The following TTLL9 variants were observed in gnomAD, a reference collection of about 807,000 sequenced individuals.
TTLL9 encodes tubulin tyrosine ligase like 9.
Under a neutral mutation model 65.6 loss-of-function variants are expected in TTLL9, and 47 were observed. The observed-to-expected ratio is 0.72, with a 90% confidence interval of 0.57 to 0.91. The LOEUF is 0.91. Among genes scored for constraint, TTLL9 ranks in the 40% least tolerant of loss-of-function variants. The probability of loss-of-function intolerance (pLI) is 0.00; values close to 1 mark genes in which losing one functional copy is unlikely to be tolerated. For missense variants in TTLL9, 537 were observed against 568.8 expected, an observed-to-expected ratio of 0.94 and a Z score of 0.57; for synonymous variants, 179 against 204.8, an observed-to-expected ratio of 0.87 and a Z score of 1.07.
At chr20:31,940,381 T>G (rs536758452) in intron 14 of TTLL9, 1 of 152,342 alleles carries the variant, frequency 6.6e-6, no homozygotes, top group African/African-American at 2.4e-5. Flanking sequence ...GTTTTCTAAA[T>G]GTATAAGGCT....
At chr20:31,880,852 C>CTT (rs35047352) in intron 2 of TTLL9, among the ~76,000 whole-genome samples, 5,849 of 108,186 alleles carry the variant, frequency 0.054, 532 homozygotes, top group African/African-American at 0.16. Context: ...TCTTTCTTTC[C>CTT]TTTTTTTTTT....
chr20:31,934,628 G>A (rs2064077319), intron 11 of TTLL9, 64 bp from the exon 12 acceptor site: 8 of 1,434,766 alleles, frequency 5.6e-6, no homozygotes, highest in South Asian at 1.3e-5. Flanking sequence ...TTGTGTAAGG[G>A]TCCTAGCAGG....
In TTLL9 at chr20:31,943,315, G is replaced by A. The variant is rs2064252472; in HGVS notation, c.*294G>A. The A allele has an allele frequency of 2.1e-6, 1 of 471,310 alleles. No individual in the cohort carries two copies. The highest frequency in any genetic ancestry group is 2.2e-5 in the South Asian group (1 of 45,990). 29.2% of individuals were successfully genotyped at this position (471,310 alleles called of 1,614,324 possible). ...AAAGAGAACAAATACAGCAAGTTCTGCTACCCCCAGGAGATCATATCTAAT... is the reference window on the plus strand; with the variant it reads ...AAAGAGAACAAATACAGCAAGTTCTACTACCCCCAGGAGATCATATCTAAT... On this transcript the variant is annotated 3_prime_UTR_variant, in exon 15 of 15. Transcript: ENST00000535842.
intron 5 of TTLL9, 95 bp from the exon 6 acceptor site, chr20:31,909,642 T>C (rs2063614892): frequency 2.6e-6 from 3 of 1,160,424 alleles, no homozygotes. Flanking sequence ...GGCCAGAGCA[T>C]GGAGGCTGCA....
At chr20:31,886,771 A>T (rs1300793550) in intron 2 of TTLL9, among the ~76,000 whole-genome samples, 3 of 152,204 alleles carry the variant, frequency 2.0e-5, no homozygotes, top group Admixed American at 6.5e-5. Context: ...GAGAGCTGAG[A>T]TTACACCACT....
At chr20:31,889,970 CTCTCTT>C (rs1457500574) in intron 3 of TTLL9, among the ~76,000 whole-genome samples, 17 of 133,758 alleles carry the variant, frequency 1.3e-4, no homozygotes, top group East Asian at 1.2e-3. Context: ...AGCCACATCT[CTCTCTT>C]TCTTTCTTTC....
intron 6 of TTLL9, among the ~76,000 whole-genome samples, chr20:31,912,603 ATGTGTG>A (rs61107814): frequency 0.13 from 18,806 of 140,960 alleles, 1,280 homozygotes; most frequent in African/African-American, 0.21. Flanking sequence ...GTGTATGTGT[ATGTGTG>A]TGTGTGTGTG....
rs140258569 is a variant in TTLL9 at position 31,910,939 on chromosome 20, C to T, written c.504+1017C>T. On this transcript the variant is annotated intron_variant, in intron 6 of 14. Coordinates refer to ENST00000535842, the MANE Select transcript of TTLL9 (RefSeq NM_001008409.5). ...TTATAATCCTAGCACTTTGAGAGTC[C>T]AAGGCAGGTGGATCACCTGAGGTCA... 1.3e-3 allele frequency among the ~76,000 whole-genome samples: 193 copies of T among 152,168 alleles called. 3 individuals are homozygous for T. In the East Asian group the frequency reaches 0.034, roughly 27 times the overall value.
rs751721044 is a variant in TTLL9 at position 31,899,770 on chromosome 20, GT to G, written c.206+1217del. ...GCTACAAGGGAATCTGGAAAATGTT[GT>G]TTTTTTTTTTTGAGATGGAGTCTTG... On this transcript the variant is annotated intron_variant, in intron 4 of 14. Transcript: ENST00000535842. 6.3e-3 allele frequency among the ~76,000 whole-genome samples: 896 copies of G among 142,562 alleles called. 8 individuals are homozygous for G. Among genetic ancestry groups the G allele is most frequent in the African/African-American group, 0.021 (789 of 37,356 alleles). The allele number at this position is 142,562 out of a possible 152,430, so 93.5% of individuals were successfully genotyped here.
chr20:31,899,833 C>T (rs532561012), intron 4 of TTLL9, among the ~76,000 whole-genome samples: 22 of 151,838 alleles, frequency 1.4e-4, no homozygotes, highest in African/African-American at 3.9e-4. Context: ...GGCACAATCT[C>T]GGCTCACTGC....
At chr20:31,908,726 C>A in intron 5 of TTLL9, 24 bp downstream of exon 5, 1 of 1,567,652 alleles carries the variant, frequency 6.4e-7, no homozygotes, top group Non-Finnish European at 8.8e-7. Flanking sequence ...GCGGGAGGGA[C>A]TGTGCCAACC....
intron 2 of TTLL9, among the ~76,000 whole-genome samples, chr20:31,876,959 T>TTTTATTTACA (rs1321655398): frequency 6.6e-6 from 1 of 152,242 alleles, no homozygotes; most frequent in African/African-American, 2.4e-5. Context: ...ATACGATTAT[T>TTTTATTTACA]TTTATTTACA....
chr20:31,930,370 C>T (rs1026022318), intron 10 of TTLL9, among the ~76,000 whole-genome samples: 5 of 152,046 alleles, frequency 3.3e-5, no homozygotes, highest in Admixed American at 6.6e-5. Flanking sequence ...CAGAATTTTG[C>T]CTTAGAATTA....
At chr20:31,929,186 G>A (rs569281042) in intron 10 of TTLL9, among the ~76,000 whole-genome samples, 153 of 152,286 alleles carry the variant, frequency 1.0e-3, no homozygotes, top group Non-Finnish European at 1.8e-3. Flanking sequence ...GTGAGCCACC[G>A]TGCCCAGCCT....
chr20:31,920,308 G>A (rs939786304), intron 7 of TTLL9, among the ~76,000 whole-genome samples: 4 of 152,020 alleles, frequency 2.6e-5, no homozygotes, highest in Non-Finnish European at 5.9e-5. Flanking sequence ...CTCGATGCAC[G>A]TTCTTTATCT....
At chr20:31,935,729 G>A (rs759638637) in intron 12 of TTLL9, among the ~76,000 whole-genome samples, 9 of 152,248 alleles carry the variant, frequency 5.9e-5, no homozygotes, top group African/African-American at 2.4e-5. Context: ...ACCAGCTACT[G>A]CAGGAAGCAC....
chr20:31,889,996 TTCTTTC>T (rs2063267807), intron 3 of TTLL9, among the ~76,000 whole-genome samples: 1 of 135,964 alleles, frequency 7.4e-6, no homozygotes, highest in African/African-American at 3.1e-5. Flanking sequence ...CTTTCTTTCT[TTCTTTC>T]TTTCTTTCTT....
intron 10 of TTLL9, among the ~76,000 whole-genome samples, chr20:31,932,144 G>C (rs899708345): frequency 6.6e-6 from 1 of 152,158 alleles, no homozygotes; most frequent in Non-Finnish European, 1.5e-5. Flanking sequence ...TTTGAGACCA[G>C]CCTGGGCAAC....
In TTLL9 at chr20:31,944,962, C is replaced by G. The variant is rs770911462; in HGVS notation, c.*1941C>G. On this transcript the variant is annotated 3_prime_UTR_variant, in exon 15 of 15. Coordinates refer to ENST00000535842, the MANE Select transcript of TTLL9 (RefSeq NM_001008409.5). ...CAAATAAAGACTAGTTGCTGCTATTCATTCATTCAGCTAACATTTATTGAG... is the reference window on the plus strand; with the variant it reads ...CAAATAAAGACTAGTTGCTGCTATTGATTCATTCAGCTAACATTTATTGAG... 6.6e-6 allele frequency: 1 copy of G among 152,222 alleles called. No homozygotes were observed. Among genetic ancestry groups the G allele is most frequent in the South Asian group, 2.1e-4 (1 of 4,828 alleles). The allele number at this position is 152,222 out of a possible 1,614,324, so 9.4% of individuals were successfully genotyped here. A position where few individuals can be genotyped will look rare whatever the true frequency, so the allele number is the denominator to read the frequency against.
Sources: allele counts gnomAD v4.1 joint callset (sites outside exome capture counted in the v4.1 genomes callset), GRCh38; gene constraint gnomAD v4.1.1; transcripts MANE v1.5; gene names NCBI Gene and HGNC (gene_info 2026-07-23, HGNC 2026-07-21).